The following STIM2 variants were observed in gnomAD, a reference collection of about 807,000 sequenced individuals.
The protein encoded by STIM2 is stromal interaction molecule 2.
Under a neutral mutation model 85.8 loss-of-function variants are expected in STIM2, and 31 were observed. The ratio of observed to expected loss-of-function variants is 0.36; its 90% confidence interval spans 0.27 to 0.49. The LOEUF (loss-of-function observed/expected upper bound fraction) is 0.49, where lower values mean the gene tolerates loss of function less well. Ranked by LOEUF, STIM2 falls within the 20% of genes least tolerant of loss-of-function variation. STIM2 has a pLI of 0.98. For missense variants in STIM2, 841 were observed against 927.6 expected, an observed-to-expected ratio of 0.91 and a Z score of 1.21; for synonymous variants, 356 against 331.1, an observed-to-expected ratio of 1.08 and a Z score of -0.82.
At chr4:27,007,880 G>T in intron 8 of STIM2, 180 bp downstream of exon 8, 1 of 723,896 alleles carries the variant, frequency 1.4e-6, no homozygotes, top group Non-Finnish European at 2.4e-6. Context: ...TAAAATTACT[G>T]CATTTGGAGA....
intron 2 of STIM2, among the ~76,000 whole-genome samples, chr4:26,938,686 G>T (rs1024647403): frequency 3.3e-5 from 5 of 152,140 alleles, no homozygotes; most frequent in African/African-American, 9.7e-5. Context: ...AAGGTAAATA[G>T]TTCTTATCCT....
At position 26,865,601 on chromosome 4, in the gene STIM2, C is replaced by T. The variant is rs140012563; in HGVS notation, c.151+4232C>T. The stretch of plus-strand genomic sequence containing the variant: ...GAACACTTTCACAATGATTGTTGGA[C>T]GTCTGCATTTATGTAATATGATAGT... On this transcript the variant is annotated intron_variant, in intron 1 of 11. Coordinates refer to ENST00000467087, the MANE Select transcript of STIM2 (RefSeq NM_020860.4). 3.1e-3 allele frequency among the ~76,000 whole-genome samples: 467 copies of T among 152,114 alleles called. 2 individuals are homozygous for T. Among genetic ancestry groups the T allele is most frequent in the African/African-American group, 0.011 (438 of 41,504 alleles).
At chr4:26,951,015 A>C (rs957394547) in intron 2 of STIM2, among the ~76,000 whole-genome samples, 2 of 152,190 alleles carry the variant, frequency 1.3e-5, no homozygotes, top group Non-Finnish European at 2.9e-5. Flanking sequence ...TAAATATCAG[A>C]TAGCTATATT....
At chr4:26,876,179 T>C (rs1462235846) in intron 1 of STIM2, among the ~76,000 whole-genome samples, 2 of 152,190 alleles carry the variant, frequency 1.3e-5, no homozygotes, top group Non-Finnish European at 2.9e-5. Flanking sequence ...GGTAAACTTA[T>C]TTAAGAAGTC....
At chr4:26,898,580 C>T (rs752155887) in intron 1 of STIM2, among the ~76,000 whole-genome samples, 1 of 152,056 alleles carries the variant, frequency 6.6e-6, no homozygotes, top group Non-Finnish European at 1.5e-5. Context: ...ATTTATTCTG[C>T]ATTTAGTAGC....
chr4:26,968,075 G>A (rs559713003), intron 3 of STIM2, among the ~76,000 whole-genome samples: 4 of 152,250 alleles, frequency 2.6e-5, no homozygotes, highest in South Asian at 2.1e-4. Flanking sequence ...GGAGGCTGAG[G>A]CAGGAGGATC....
In STIM2 at chr4:26,861,240, G is replaced by C; in HGVS notation, c.22G>C (p.Val8Leu). 6.7e-7 allele frequency: 1 copy of C among 1,494,210 alleles called. No homozygotes were observed. Among genetic ancestry groups the C allele is most frequent in the Non-Finnish European group, 8.9e-7 (1 of 1,129,206 alleles). 92.6% of individuals were successfully genotyped at this position (1,494,210 alleles called of 1,614,324 possible). A position where few individuals can be genotyped will look rare whatever the true frequency, so the allele number is the denominator to read the frequency against. ...TGCGTTGCTGGTGCTCGGGCTGCTGGTAGCCGGAGCGGCGGACGGATGCGA... is the reference window on the plus strand; with the variant it reads ...TGCGTTGCTGGTGCTCGGGCTGCTGCTAGCCGGAGCGGCGGACGGATGCGA... Residue 8 changes from valine (V) to leucine (L), a missense_variant, in exon 1 of 12, where the codon GTA becomes CTA. Val to Leu is a conservative substitution (Grantham distance 32). Coordinates refer to ENST00000467087, the MANE Select transcript of STIM2 (RefSeq NM_020860.4).
intron 1 of STIM2, among the ~76,000 whole-genome samples, chr4:26,886,925 A>C (rs1374242969): frequency 6.6e-6 from 1 of 152,174 alleles, no homozygotes; most frequent in Non-Finnish European, 1.5e-5. Context: ...AAAGTGCTAG[A>C]GCTCCCTTGT....
chr4:26,910,293 A>T (rs1724287040), intron 1 of STIM2, among the ~76,000 whole-genome samples: 1 of 152,120 alleles, frequency 6.6e-6, no homozygotes, highest in African/African-American at 2.4e-5. Flanking sequence ...AGGCCAAGGC[A>T]GGTGGATCAC....
rs762611719 is a variant in STIM2 at position 27,002,179 on chromosome 4, T to C, written c.626-38T>C. 4 of 1,544,260 alleles carry C rather than the reference T, an allele frequency of 2.6e-6. No homozygotes were observed. In the South Asian group the frequency reaches 5.0e-5, roughly 19 times the overall value. ...TTTTTGTATTGAGGTCCTGTCATAC[T>C]CAAAGATTAATTTAATCATCTGTAA... On this transcript the variant is annotated intron_variant, in intron 5 of 11. Coordinates refer to ENST00000467087, the MANE Select transcript of STIM2 (RefSeq NM_020860.4).
chr4:26,931,810 C>T (rs990927705), intron 2 of STIM2, among the ~76,000 whole-genome samples: 10 of 152,020 alleles, frequency 6.6e-5, no homozygotes, highest in Non-Finnish European at 1.2e-4. Context: ...GTTAATATAA[C>T]GATACCATAA....
intron 1 of STIM2, among the ~76,000 whole-genome samples, chr4:26,904,438 G>T (rs1202292592): frequency 6.6e-6 from 1 of 152,168 alleles, no homozygotes; most frequent in African/African-American, 2.4e-5. Flanking sequence ...AGAAGGAGCA[G>T]TCAGTAAGGA....
At chr4:26,987,998 T>A (rs1727641502) in intron 3 of STIM2, among the ~76,000 whole-genome samples, 1 of 152,238 alleles carries the variant, frequency 6.6e-6, no homozygotes, top group Admixed American at 6.5e-5. Flanking sequence ...ATGTGTGTGA[T>A]CACTTGGCCT....
At chr4:27,010,223 G>A (rs1728514588) in intron 10 of STIM2, among the ~76,000 whole-genome samples, 1 of 152,024 alleles carries the variant, frequency 6.6e-6, no homozygotes, top group Admixed American at 6.6e-5. Flanking sequence ...AGGCAGGCAG[G>A]TCACTAGGTC....
intron 1 of STIM2, among the ~76,000 whole-genome samples, chr4:26,898,130 AG>A (rs1376826370): frequency 6.6e-6 from 1 of 152,230 alleles, no homozygotes; most frequent in Non-Finnish European, 1.5e-5. Flanking sequence ...GATTGCATTT[AG>A]TTATGTTCAC....
intron 3 of STIM2, among the ~76,000 whole-genome samples, chr4:26,987,105 A>T (rs1727609687): frequency 1.3e-5 from 2 of 151,900 alleles, no homozygotes; most frequent in South Asian, 4.2e-4. Flanking sequence ...CCTATGCATG[A>T]CTCGTGTCTT....
rs1728060472 is a variant in STIM2, at chr4:26,999,141, TA to T, written c.510-88del. ...TGATCATCAATAATATGTAAAGTGT[TA>T]AATGTGTTGCTCAAATATTTAAATT... On this transcript the variant is annotated intron_variant, in intron 4 of 11. Coordinates refer to ENST00000467087, the MANE Select transcript of STIM2 (RefSeq NM_020860.4). 8.7e-6 allele frequency: 4 copies of T among 461,940 alleles called. No homozygotes were observed. The South Asian group carries it at 2.4e-4, about 27-fold the overall frequency. 28.6% of individuals were successfully genotyped at this position (461,940 alleles called of 1,614,324 possible). A position where few individuals can be genotyped will look rare whatever the true frequency, so the allele number is the denominator to read the frequency against.
chr4:26,930,829 G>C (rs1273651344), intron 2 of STIM2, among the ~76,000 whole-genome samples: 1 of 152,144 alleles, frequency 6.6e-6, no homozygotes, highest in Non-Finnish European at 1.5e-5. Context: ...TTTAACTTAT[G>C]TGTTAGTTTA....
At chr4:26,967,244 T>C (rs1396225230) in intron 3 of STIM2, among the ~76,000 whole-genome samples, 2 of 152,152 alleles carry the variant, frequency 1.3e-5, no homozygotes, top group Non-Finnish European at 2.9e-5. Context: ...ATAAGGGCAA[T>C]GTTCTAAAAG....
Sources: gnomAD v4.1 joint callset for allele counts (sites outside exome capture counted in the v4.1 genomes callset) on GRCh38, gnomAD v4.1.1 for gene constraint, MANE v1.5 for transcripts, NCBI Gene and HGNC (gene_info 2026-07-23, HGNC 2026-07-21) for gene names.